KDM4C: variants seen among roughly 807,000 people sequenced by gnomAD.
KDM4C encodes the protein lysine-specific demethylase 4C.
KDM4C carries 81 observed loss-of-function variants against 129.3 expected under a neutral mutation model. That is an observed-to-expected ratio of 0.63 (90% CI 0.52 to 0.75). The LOEUF is 0.75. Among genes scored for constraint, KDM4C ranks in the 30% least tolerant of loss-of-function variants. The pLI is 0.00. For synonymous variants in KDM4C, 573 were observed against 456.1 expected, an observed-to-expected ratio of 1.26 and a Z score of -3.26; for missense variants, 1,457 against 1,304.0, an observed-to-expected ratio of 1.12 and a Z score of -1.81.
At chr9:6,886,782 G>T (rs542674901) in intron 6 of KDM4C, among the ~76,000 whole-genome samples, 1 of 152,038 alleles carries the variant, frequency 6.6e-6, no homozygotes, top group African/African-American at 2.4e-5. Flanking sequence ...GTGAACCACC[G>T]CACTTGGCCT....
At chr9:6,779,665 A>G (rs572360443) in intron 1 of KDM4C, among the ~76,000 whole-genome samples, 153 of 152,284 alleles carry the variant, frequency 1.0e-3, no homozygotes, top group Middle Eastern at 3.4e-3. Context: ...TGCTCTTGCA[A>G]CCTTCAACAG....
chr9:6,819,078 A>G (rs897062277), intron 4 of KDM4C: 1 of 151,494 alleles, frequency 6.6e-6, no homozygotes, highest in Non-Finnish European at 1.5e-5. Context: ...ACTCAATCTT[A>G]AGTTTTTTTT....
At chr9:7,085,761 G>GTTAA (rs771429819) in intron 17 of KDM4C, among the ~76,000 whole-genome samples, 12 of 152,136 alleles carry the variant, frequency 7.9e-5, no homozygotes, top group Non-Finnish European at 1.5e-4. Flanking sequence ...GCTCCCCACT[G>GTTAA]GGCCTATGCG....
intron 5 of KDM4C, among the ~76,000 whole-genome samples, chr9:6,850,821 C>G (rs1272765802): frequency 1.3e-5 from 2 of 152,156 alleles, no homozygotes; most frequent in Non-Finnish European, 2.9e-5. Flanking sequence ...GTGGTGCGAT[C>G]TCGGCTCACT....
At chr9:6,989,614 A>T (rs562047984) in intron 11 of KDM4C, among the ~76,000 whole-genome samples, 2 of 152,240 alleles carry the variant, frequency 1.3e-5, no homozygotes, top group Admixed American at 1.3e-4. Flanking sequence ...TATTTATGTG[A>T]TCTAGAAGTG....
chr9:7,084,579 C>T (rs931999344), intron 17 of KDM4C, among the ~76,000 whole-genome samples: 1 of 152,142 alleles, frequency 6.6e-6, no homozygotes. Flanking sequence ...TCAATGATTC[C>T]CAGTGCTACA....
chr9:7,089,998 T>C (rs1273637316), intron 17 of KDM4C, among the ~76,000 whole-genome samples: 2 of 152,236 alleles, frequency 1.3e-5, no homozygotes, highest in African/African-American at 4.8e-5. Flanking sequence ...CCCTGGGGAA[T>C]CACTGCAGAA....
chr9:6,882,231 G>A (rs867598393), intron 6 of KDM4C, among the ~76,000 whole-genome samples: 6 of 152,108 alleles, frequency 3.9e-5, no homozygotes, highest in Admixed American at 1.3e-4. Context: ...TGTTATATTC[G>A]TCTGTAATGC....
intron 15 of KDM4C, among the ~76,000 whole-genome samples, chr9:7,028,202 A>G (rs987541577): frequency 3.3e-5 from 5 of 151,976 alleles, no homozygotes; most frequent in Admixed American, 6.6e-5. Context: ...CTGACTTGCA[A>G]CTAAAGTTAG....
intron 8 of KDM4C, among the ~76,000 whole-genome samples, chr9:6,922,288 C>G (rs1205394671): frequency 6.6e-6 from 1 of 152,080 alleles, no homozygotes. Flanking sequence ...TTTCTTTTAC[C>G]TTTGCCCTTA....
At chr9:6,886,303 G>C (rs978757593) in intron 6 of KDM4C, among the ~76,000 whole-genome samples, 18 of 151,124 alleles carry the variant, frequency 1.2e-4, no homozygotes, top group Non-Finnish European at 2.9e-5. Context: ...ATGTTTTATT[G>C]AACTTCCTTC....
At chr9:6,813,804 T>A (rs892476824) in intron 3 of KDM4C, among the ~76,000 whole-genome samples, 1 of 152,212 alleles carries the variant, frequency 6.6e-6, no homozygotes, top group Non-Finnish European at 1.5e-5. Context: ...ACAGGTTTTT[T>A]AAACTGTAAA....
At position 7,128,177 on chromosome 9, in the gene KDM4C, T is replaced by C; in HGVS notation, c.2722T>C (p.Tyr908His). Residue 908 changes from tyrosine (Y) to histidine (H), a missense_variant, in exon 19 of 22, where the codon TAT becomes CAT. By Grantham distance (83) the Tyr-to-His change is moderately conservative. Transcript: ENST00000381309. ...RVMAVTSQTF[Y>H]EVMFDDGSFS... Reference sequence around the variant, plus strand: ...GATGGCTGTGACATCGCAGACCTTCTATGAGGTCATGTTTGATGATGGCTC... The same window carrying C: ...GATGGCTGTGACATCGCAGACCTTCCATGAGGTCATGTTTGATGATGGCTC... 1 of 1,612,226 alleles carries C rather than the reference T, an allele frequency of 6.2e-7. No homozygotes were observed. The highest frequency in any genetic ancestry group is 8.5e-7 in the Non-Finnish European group (1 of 1,179,270).
At chr9:7,117,523 A>C (rs1839036256) in intron 18 of KDM4C, among the ~76,000 whole-genome samples, 2 of 151,486 alleles carry the variant, frequency 1.3e-5, no homozygotes, top group Admixed American at 1.3e-4. Flanking sequence ...ATTCTCTCCA[A>C]ATTGTAATTC....
rs1563913049 is a variant in KDM4C, at chr9:6,729,122, T to TAAAAAAAAGAAAAAAAAAAAG, written c.49+8125_49+8126insAAAAAAAAGAAAAAAAAAAAG. On this transcript the variant is annotated intron_variant, in intron 1 of 17. Transcript: ENST00000536108. Reference sequence around the variant, plus strand: ...CGGGAGGCTGAGGCAGAGAATTGCTTGAACCCGGGAAGCAGAGGTTGCAGT... The same window carrying TAAAAAAAAGAAAAAAAAAAAG: ...CGGGAGGCTGAGGCAGAGAATTGCTTAAAAAAAAGAAAAAAAAAAAGGAACCCGGGAAGCAGAGGTTGCAGT... Among the ~76,000 whole-genome samples the TAAAAAAAAGAAAAAAAAAAAG allele has an allele frequency of 1.5e-3, 184 of 122,590 alleles. 1 individual carries two copies. The highest frequency in any genetic ancestry group is 3.4e-3 in the South Asian group (12 of 3,484). The allele number at this position is 122,590 out of a possible 152,430, so 80.4% of individuals were successfully genotyped here.
At chr9:7,156,496 T>A (rs886769156) in intron 19 of KDM4C, among the ~76,000 whole-genome samples, 5 of 152,350 alleles carry the variant, frequency 3.3e-5, no homozygotes, top group African/African-American at 1.2e-4. Flanking sequence ...GGTCTAACAT[T>A]TAAGTCTTAA....
At chr9:6,761,334 C>T (rs1166074944) in intron 1 of KDM4C, among the ~76,000 whole-genome samples, 1 of 151,812 alleles carries the variant, frequency 6.6e-6, no homozygotes, top group Non-Finnish European at 1.5e-5. Flanking sequence ...TAAGATCATC[C>T]TGTTCTTTTT....
chr9:7,148,332 G>A (rs190190029), intron 19 of KDM4C, among the ~76,000 whole-genome samples: 1 of 152,288 alleles, frequency 6.6e-6, no homozygotes, highest in East Asian at 1.9e-4. Flanking sequence ...GGTGAGCCGG[G>A]GGGCCATGTT....
intron 21 of KDM4C, among the ~76,000 whole-genome samples, chr9:7,173,061 G>A (rs1845118255): frequency 6.6e-6 from 1 of 152,248 alleles, no homozygotes; most frequent in Non-Finnish European, 1.5e-5. Context: ...TAGCCACATT[G>A]TTTGCTGTGG....
Sources: gnomAD v4.1 joint callset for allele counts (sites outside exome capture counted in the v4.1 genomes callset) on GRCh38, gnomAD v4.1.1 for gene constraint, MANE v1.5 for transcripts, NCBI Gene and HGNC (gene_info 2026-07-23, HGNC 2026-07-21) for gene names.